The following PAPOLA variants were observed in gnomAD, a reference collection of about 807,000 sequenced individuals.
The protein encoded by PAPOLA is polynucleotide adenylyltransferase alpha.
Under a neutral mutation model 100.6 loss-of-function variants are expected in PAPOLA, and 15 were observed. That is an observed-to-expected ratio of 0.15 (90% CI 0.10 to 0.23). PAPOLA has a LOEUF of 0.23. Ranked by LOEUF, PAPOLA falls within the 10% of genes least tolerant of loss-of-function variation. PAPOLA has a pLI of 1.00. For missense variants in PAPOLA, 533 were observed against 884.2 expected (o/e 0.60, Z 5.04); for synonymous variants, 293 against 300.0 (o/e 0.98, Z 0.24).
At position 96,507,579 on chromosome 14, in the gene PAPOLA, A is replaced by G. The variant is rs184450072; in HGVS notation, c.8+4979A>G. Among the ~76,000 whole-genome samples, 773 of 152,234 alleles carry G rather than the reference A, an allele frequency of 5.1e-3. 3 individuals are homozygous for G. The highest frequency in any genetic ancestry group is 0.014 in the African/African-American group (602 of 41,536). On this transcript the variant is annotated intron_variant, in intron 1 of 21. Transcript: ENST00000216277. ...CGTGAGCCACCGCGCCTGGCCGAAA[A>G]TAGTTTTTTAAAGCTATGTTAACAT...
chr14:96,512,344 G>C (rs777570067), intron 1 of PAPOLA, among the ~76,000 whole-genome samples: 1 of 151,916 alleles, frequency 6.6e-6, no homozygotes, highest in South Asian at 2.1e-4. Context: ...GTTTAGATCA[G>C]CCTGGGCAAC....
chr14:96,547,355 T>C (rs567161422), intron 15 of PAPOLA, among the ~76,000 whole-genome samples: 2 of 152,330 alleles, frequency 1.3e-5, no homozygotes, highest in African/African-American at 2.4e-5. Context: ...TAGTTAGTTT[T>C]ATCTTGCAGA....
chr14:96,506,207 A>G (rs1362190388), intron 1 of PAPOLA, among the ~76,000 whole-genome samples: 1 of 152,062 alleles, frequency 6.6e-6, no homozygotes, highest in East Asian at 1.9e-4. Flanking sequence ...CCCGGCTGTC[A>G]TTTTATTTCT....
intron 15 of PAPOLA, 90 bp from the exon 16 acceptor site, chr14:96,547,707 G>T: frequency 2.1e-6 from 2 of 937,842 alleles, no homozygotes; most frequent in Non-Finnish European, 3.2e-6. Flanking sequence ...ATGGAAAAAG[G>T]ATCCCTACTT....
intron 3 of PAPOLA, among the ~76,000 whole-genome samples, chr14:96,523,616 A>T (rs1898203562): frequency 6.6e-6 from 1 of 152,198 alleles, no homozygotes; most frequent in Non-Finnish European, 1.5e-5. Flanking sequence ...AAATATCTAA[A>T]CATAGGAAGA....
At chr14:96,530,561 A>G (rs1898914352) in intron 6 of PAPOLA, among the ~76,000 whole-genome samples, 1 of 150,574 alleles carries the variant, frequency 6.6e-6, no homozygotes, top group Non-Finnish European at 1.5e-5. Flanking sequence ...CTAATTTTTA[A>G]TTTTTTTTGT....
chr14:96,548,170 C>T, intron 16 of PAPOLA, among the ~76,000 whole-genome samples: 1 of 152,106 alleles, frequency 6.6e-6, no homozygotes. Flanking sequence ...TACCCGTATT[C>T]TCTTTTAGGA....
chr14:96,560,011 G>C (rs958994122), intron 19 of PAPOLA, among the ~76,000 whole-genome samples: 1 of 152,058 alleles, frequency 6.6e-6, no homozygotes. Flanking sequence ...GGAATTGATC[G>C]ATACTGTATT....
At chr14:96,534,403 C>G in intron 9 of PAPOLA, 88 bp from the exon 10 acceptor site, 1 of 1,552,028 alleles carries the variant, frequency 6.4e-7, no homozygotes, top group Non-Finnish European at 8.7e-7. Flanking sequence ...GAAGAAGGAT[C>G]ACGTTCACAA....
At chr14:96,559,581 C>CTATATATATA (rs1555396726) in intron 19 of PAPOLA, among the ~76,000 whole-genome samples, 100 of 120,168 alleles carry the variant, frequency 8.3e-4, no homozygotes, top group African/African-American at 2.8e-3. Flanking sequence ...CTCTCTCTCT[C>CTATATATATA]TATATATATA....
chr14:96,503,118 T>C (rs1413976564), intron 1 of PAPOLA, among the ~76,000 whole-genome samples: 7 of 152,218 alleles, frequency 4.6e-5, no homozygotes, highest in Admixed American at 2.0e-4. Context: ...GCGCCGGAGT[T>C]AGCCCCTTTC....
chr14:96,534,896 G>T (rs1899384504), intron 10 of PAPOLA: 1 of 1,032,682 alleles, frequency 9.7e-7, no homozygotes, highest in Non-Finnish European at 1.2e-6. Context: ...AAAAATCCCT[G>T]TATTTTTTAT....
At position 96,502,532 on chromosome 14, in the gene PAPOLA, A is replaced by G. The variant is rs763887183; in HGVS notation, c.-61A>G. The G allele has an allele frequency of 7.3e-7, 1 of 1,362,998 alleles. No homozygotes were observed. Among genetic ancestry groups the G allele is most frequent in the Non-Finnish European group, 1.0e-6 (1 of 983,898 alleles). The allele number at this position is 1,362,998 out of a possible 1,614,324, so 84.4% of individuals were successfully genotyped here. ...CCTCCCGCCTCAGTGGATCATGCCC[A>G]GGGCGGCAGCGGCGGCGGTTGCGGG... On this transcript the variant is annotated 5_prime_UTR_variant, in exon 1 of 22. Transcript: ENST00000216277.
intron 7 of PAPOLA, chr14:96,531,810 G>C: frequency 7.1e-7 from 1 of 1,416,818 alleles, no homozygotes; most frequent in Non-Finnish European, 9.1e-7. Flanking sequence ...GGTATACTCA[G>C]GACACTTAAA....
At chr14:96,511,380 G>A (rs1897098991) in intron 1 of PAPOLA, among the ~76,000 whole-genome samples, 1 of 152,100 alleles carries the variant, frequency 6.6e-6, no homozygotes, top group African/African-American at 2.4e-5. Context: ...GGGCAACATA[G>A]TGAGATCCTG....
chr14:96,523,375 C>T (rs1257502892), intron 3 of PAPOLA, among the ~76,000 whole-genome samples: 1 of 152,220 alleles, frequency 6.6e-6, no homozygotes, highest in Non-Finnish European at 1.5e-5. Context: ...CTTGACTACA[C>T]TAGCAACATT....
At chr14:96,536,116 GTTCA>G (rs1899504198) in intron 11 of PAPOLA, 117 bp downstream of exon 11, 1 of 729,318 alleles carries the variant, frequency 1.4e-6, no homozygotes, top group Non-Finnish European at 2.0e-6. Context: ...GGATTTTGGT[GTTCA>G]TTTATTTATT....
intron 1 of PAPOLA, among the ~76,000 whole-genome samples, chr14:96,510,643 C>T (rs1021156855): frequency 6.6e-6 from 1 of 152,208 alleles, no homozygotes; most frequent in Admixed American, 6.5e-5. Context: ...CTTTATTCCC[C>T]TTGAGCATAA....
chr14:96,529,741 CA>C (rs551486362), intron 6 of PAPOLA, among the ~76,000 whole-genome samples: 3 of 150,534 alleles, frequency 2.0e-5, no homozygotes, highest in Non-Finnish European at 4.4e-5. Flanking sequence ...AACAAACAAA[CA>C]AAAAAAAAGT....
Sources: allele counts gnomAD v4.1 joint callset (sites outside exome capture counted in the v4.1 genomes callset), GRCh38; gene constraint gnomAD v4.1.1; transcripts MANE v1.5; gene names NCBI Gene and HGNC (gene_info 2026-07-23, HGNC 2026-07-21).